Variants in PHF21B observed in about 807,000 individuals in gnomAD.
PHF21B encodes PHD finger protein 4.
PHF21B carries 22 observed loss-of-function variants against 62.2 expected under a neutral mutation model. The observed-to-expected ratio is 0.35, with a 90% CI of 0.25 to 0.51. The LOEUF is 0.51. Ranked by LOEUF, PHF21B falls within the 20% of genes least tolerant of loss-of-function variation. PHF21B has a pLI of 0.97. For missense variants in PHF21B, 701 were observed against 707.9 expected (o/e 0.99, Z 0.11); for synonymous variants, 341 against 314.7 (o/e 1.08, Z -0.88).
intron 2 of PHF21B, among the ~76,000 whole-genome samples, chr22:45,007,313 C>G (rs550638094): frequency 6.6e-6 from 1 of 151,944 alleles, no homozygotes; most frequent in African/African-American, 2.4e-5. Flanking sequence ...TCCGAATTCT[C>G]TCTCGCCAGG....
At position 44,922,950 on chromosome 22, in the gene PHF21B, T is replaced by TA. The variant is rs1169418626; in HGVS notation, c.121-2461dup. ...ATCAAAATCTCAGTCAGCTTTTTTT[T>TA]AAAAAAATAGAAATTGACAAGATGA... On this transcript the variant is annotated intron_variant, in intron 2 of 12. Transcript: ENST00000313237. Among the ~76,000 whole-genome samples the TA allele has an allele frequency of 9.2e-5, 14 of 152,164 alleles. No homozygotes were observed. In the South Asian group the frequency reaches 1.2e-3, roughly 14 times the overall value.
intron 2 of PHF21B, among the ~76,000 whole-genome samples, chr22:44,975,356 CT>C (rs1221108273): frequency 6.6e-6 from 1 of 152,034 alleles, no homozygotes; most frequent in Non-Finnish European, 1.5e-5. Context: ...CAGGAAGCGC[CT>C]TTGGGTGGGT....
intron 10 of PHF21B, among the ~76,000 whole-genome samples, chr22:44,887,579 AC>A (rs1032666461): frequency 4.0e-5 from 6 of 151,436 alleles, no homozygotes; most frequent in Admixed American, 1.3e-4. Flanking sequence ...ACATGGTGAA[AC>A]CCCCCATCTA....
chr22:44,975,525 T>C (rs1303879460), intron 2 of PHF21B, among the ~76,000 whole-genome samples: 1 of 152,228 alleles, frequency 6.6e-6, no homozygotes, highest in African/African-American at 2.4e-5. Flanking sequence ...GGCGCCCTCC[T>C]GCCCTGACAG....
chr22:44,901,354 C>A (rs888276965), intron 5 of PHF21B, among the ~76,000 whole-genome samples: 2 of 152,212 alleles, frequency 1.3e-5, no homozygotes, highest in Non-Finnish European at 2.9e-5. Flanking sequence ...CCCGAGTCCC[C>A]TCCACTGACA....
chr22:44,931,500 G>A (rs2071740800), intron 2 of PHF21B, among the ~76,000 whole-genome samples: 1 of 152,138 alleles, frequency 6.6e-6, no homozygotes, highest in Non-Finnish European at 1.5e-5. Context: ...ACCGTATGCT[G>A]ACATTTAAAA....
At chr22:45,008,458 C>T in intron 2 of PHF21B, 87 bp downstream of exon 2, 1 of 1,306,266 alleles carries the variant, frequency 7.7e-7, no homozygotes, top group Non-Finnish European at 1.0e-6. Flanking sequence ...GCGTGCGTCG[C>T]CCAGGCTGGC....
chr22:44,900,328 C>CT (rs954028734), intron 5 of PHF21B, among the ~76,000 whole-genome samples: 47 of 152,114 alleles, frequency 3.1e-4, no homozygotes, highest in African/African-American at 1.0e-3. Flanking sequence ...AGATTTACAA[C>CT]TTTTTTTTGT....
chr22:44,952,374 A>G (rs1395678033), intron 2 of PHF21B, among the ~76,000 whole-genome samples: 1 of 152,220 alleles, frequency 6.6e-6, no homozygotes, highest in East Asian at 1.9e-4. Flanking sequence ...ACCAACATGC[A>G]TGCAACGTGA....
chr22:44,953,209 A>AGGTCTG (rs1332372020), intron 2 of PHF21B, among the ~76,000 whole-genome samples: 1 of 152,186 alleles, frequency 6.6e-6, no homozygotes, highest in Admixed American at 6.5e-5. Flanking sequence ...TGGCTCTCAC[A>AGGTCTG]GGTCTGACTC....
intron 2 of PHF21B, among the ~76,000 whole-genome samples, chr22:44,989,881 A>T (rs1024138017): frequency 6.6e-6 from 1 of 152,170 alleles, no homozygotes; most frequent in South Asian, 2.1e-4. Context: ...AAGTACTGGG[A>T]TTACAGGCGT....
At chr22:44,921,980 G>A (rs1011632210) in intron 2 of PHF21B, among the ~76,000 whole-genome samples, 2 of 152,124 alleles carry the variant, frequency 1.3e-5, no homozygotes, top group African/African-American at 4.8e-5. Context: ...GTTCTACATG[G>A]CTACATTCGC....
chr22:44,885,440 C>T lies in PHF21B; in HGVS notation c.1363G>A (p.Ala455Thr). Residue 455 changes from alanine to threonine, a missense_variant, in exon 12 of 13, where the codon GCG becomes ACG. Ala to Thr is a moderately conservative substitution (Grantham distance 58, BLOSUM62 0). Transcript: ENST00000313237. ...QQLEERDRRL[A>T]SAVQKCLELK... Reference sequence around the variant, plus strand: ...CCGGGGCACACCTGCACTGCTGACGCCAGCCGCCGGTCCCGCTCCTCCAGC... The same window carrying T: ...CCGGGGCACACCTGCACTGCTGACGTCAGCCGCCGGTCCCGCTCCTCCAGC... 1 of 1,580,854 alleles carries T rather than the reference C, an allele frequency of 6.3e-7. No homozygotes were observed. Among genetic ancestry groups the T allele is most frequent in the Non-Finnish European group, 8.6e-7 (1 of 1,165,408 alleles).
intron 2 of PHF21B, among the ~76,000 whole-genome samples, chr22:44,927,040 C>G (rs1033369997): frequency 6.6e-6 from 1 of 152,006 alleles, no homozygotes; most frequent in African/African-American, 2.4e-5. Flanking sequence ...CCTGACAACT[C>G]CTGTGCCCTT....
intron 12 of PHF21B, among the ~76,000 whole-genome samples, chr22:44,884,570 C>CT (rs2070816880): frequency 1.4e-4 from 1 of 7,022 alleles, no homozygotes; most frequent in African/African-American, 3.7e-4. Context: ...TCGCCATTAT[C>CT]ACCATCACTG....
chr22:44,888,972 C>T (rs2070911384), intron 9 of PHF21B, among the ~76,000 whole-genome samples: 1 of 152,226 alleles, frequency 6.6e-6, no homozygotes, highest in South Asian at 2.1e-4. Flanking sequence ...CCCCTGTCCA[C>T]ATGCCCGCCC....
At position 44,887,078 on chromosome 22, in the gene PHF21B, C is replaced by T. The variant is rs570462406; in HGVS notation, c.1197+885G>A. On this transcript the variant is annotated intron_variant, in intron 10 of 12. Transcript: ENST00000313237. Reference sequence around the variant, plus strand: ...GGCTGAAGCAGGAGAATCGCTTGAACCCAGAAGGCAGAGGTGGCAGTGAGC... The same window carrying T: ...GGCTGAAGCAGGAGAATCGCTTGAATCCAGAAGGCAGAGGTGGCAGTGAGC... Among the ~76,000 whole-genome samples the T allele has an allele frequency of 6.6e-5, 10 of 151,436 alleles. No individual in the cohort carries two copies. In the East Asian group the frequency reaches 1.9e-3, roughly 29 times the overall value.
At chr22:44,889,726 CG>C in intron 9 of PHF21B, 33 bp downstream of exon 9, 2 of 1,581,590 alleles carry the variant, frequency 1.3e-6, no homozygotes, top group Non-Finnish European at 1.7e-6. Flanking sequence ...TTCTCCACCC[CG>C]GAAGTGTGAA....
chr22:44,924,476 C>G (rs1191340934), intron 2 of PHF21B, among the ~76,000 whole-genome samples: 1 of 152,182 alleles, frequency 6.6e-6, no homozygotes, highest in Non-Finnish European at 1.5e-5. Context: ...GAGATGGGGC[C>G]TCCGGGAGGT....
Sources: allele counts gnomAD v4.1 joint callset (sites outside exome capture counted in the v4.1 genomes callset), GRCh38; gene constraint gnomAD v4.1.1; transcripts MANE v1.5; gene names NCBI Gene and HGNC (gene_info 2026-07-23, HGNC 2026-07-21).